The following ZFAT variants were observed in gnomAD, a reference collection of about 807,000 sequenced individuals.
The protein encoded by ZFAT is zinc finger protein ZFAT.
Under a neutral mutation model 117.7 loss-of-function variants are expected in ZFAT, and 64 were observed. The observed-to-expected ratio is 0.54, with a 90% confidence interval of 0.44 to 0.67. The LOEUF (loss-of-function observed/expected upper bound fraction) is 0.67, where lower values mean the gene tolerates loss of function less well. Among genes scored for constraint, ZFAT ranks in the 30% least tolerant of loss-of-function variants. ZFAT has a pLI of 0.00. For missense variants in ZFAT, 1,433 were observed against 1,584.5 expected (o/e 0.90, Z 1.62); for synonymous variants, 679 against 615.0 (o/e 1.10, Z -1.54).
intron 4 of ZFAT, among the ~76,000 whole-genome samples, chr8:134,609,757 A>C (rs1828176929): frequency 6.6e-6 from 1 of 152,238 alleles, no homozygotes; most frequent in Non-Finnish European, 1.5e-5. Flanking sequence ...TATCCTAGAG[A>C]TCTTTTTTAA....
At chr8:134,496,230 T>C (rs961980998) in intron 15 of ZFAT, among the ~76,000 whole-genome samples, 4 of 152,254 alleles carry the variant, frequency 2.6e-5, no homozygotes, top group East Asian at 1.9e-4. Context: ...CTTCCCATTA[T>C]ACAGATGGGG....
At chr8:134,655,376 G>A (rs957036826) in intron 2 of ZFAT, among the ~76,000 whole-genome samples, 4 of 152,146 alleles carry the variant, frequency 2.6e-5, no homozygotes, top group African/African-American at 4.8e-5. Flanking sequence ...GGCGGGGTAC[G>A]GTGGCTCACA....
chr8:134,801,380 C>A, the ZFAT span, among the ~76,000 whole-genome samples: 1 of 152,172 alleles, frequency 6.6e-6, no homozygotes, highest in African/African-American at 2.4e-5. Flanking sequence ...GTCCTACCAA[C>A]ACACTTGCAT....
chr8:134,697,171 G>A (rs1476487660), intron 1 of ZFAT, among the ~76,000 whole-genome samples: 1 of 152,078 alleles, frequency 6.6e-6, no homozygotes, highest in African/African-American at 2.4e-5. Flanking sequence ...CTGGAGTGCA[G>A]TGGCACGATC....
At chr8:134,526,210 T>G (rs922597122) in intron 12 of ZFAT, among the ~76,000 whole-genome samples, 6 of 152,332 alleles carry the variant, frequency 3.9e-5, no homozygotes, top group African/African-American at 1.4e-4. Context: ...AGGAAAACAT[T>G]CTTATATTAT....
At chr8:134,526,135 CTT>C in intron 12 of ZFAT, among the ~76,000 whole-genome samples, 1 of 152,222 alleles carries the variant, frequency 6.6e-6, no homozygotes, top group Admixed American at 6.5e-5. Context: ...AAAGGTTAAA[CTT>C]AGGCTTTAAA....
chr8:134,568,538 A>G (rs1824645441), intron 10 of ZFAT, among the ~76,000 whole-genome samples: 1 of 152,256 alleles, frequency 6.6e-6, no homozygotes, highest in African/African-American at 2.4e-5. Context: ...TCTGTCATTC[A>G]TTGTCAAACA....
the ZFAT span, among the ~76,000 whole-genome samples, chr8:134,789,633 TAG>T: frequency 3.3e-5 from 5 of 152,148 alleles, no homozygotes; most frequent in Non-Finnish European, 7.4e-5. Flanking sequence ...TGCTACATGG[TAG>T]AGAGTGGATC....
intron 7 of ZFAT, chr8:134,595,023 G>A (rs533386454): frequency 8.8e-4 from 134 of 152,316 alleles, no homozygotes; most frequent in African/African-American, 3.1e-3. Flanking sequence ...GGTGGAGGCA[G>A]GAGCCCAGGA....
intron 2 of ZFAT, among the ~76,000 whole-genome samples, chr8:134,643,935 T>C (rs1830729996): frequency 6.6e-6 from 1 of 152,116 alleles, no homozygotes; most frequent in African/African-American, 2.4e-5. Context: ...CAGATCAGAG[T>C]GCTCAACATT....
At chr8:134,738,305 G>A in the ZFAT span, among the ~76,000 whole-genome samples, 15 of 152,164 alleles carry the variant, frequency 9.9e-5, no homozygotes, top group East Asian at 3.9e-4. Flanking sequence ...AGAATTCTGC[G>A]GCTGTCCCAA....
the ZFAT span, among the ~76,000 whole-genome samples, chr8:134,815,342 G>C: frequency 6.6e-6 from 1 of 152,150 alleles, no homozygotes; most frequent in African/African-American, 2.4e-5. Flanking sequence ...ACTTGCTTTT[G>C]CTAGAGACTT....
intron 1 of ZFAT, among the ~76,000 whole-genome samples, chr8:134,671,208 G>C (rs201913684): frequency 1.3e-5 from 2 of 152,270 alleles, no homozygotes; most frequent in African/African-American, 4.8e-5. Context: ...TTCTGAAACT[G>C]TTCCAATCAA....
At position 134,712,926 on chromosome 8, in the gene ZFAT, A is replaced by G. The variant is rs1814080490; in HGVS notation, c.-63T>C. The stretch of plus-strand genomic sequence containing the variant: ...CTCTTCCGGGCCCCCTCCCGTGCCG[A>G]CCGAGGGGGCGGGGCGCCCTGCTGA... On this transcript the variant is annotated 5_prime_UTR_variant, in exon 1 of 16. Transcript: ENST00000377838. The G allele has an allele frequency of 6.3e-6, 9 of 1,439,948 alleles. No individual in the cohort carries two copies. Among genetic ancestry groups the G allele is most frequent in the South Asian group, 2.7e-5 (2 of 73,758 alleles). 89.2% of individuals were successfully genotyped at this position (1,439,948 alleles called of 1,614,324 possible). A position where few individuals can be genotyped will look rare whatever the true frequency, so the allele number is the denominator to read the frequency against.
chr8:134,793,344 C>A, the ZFAT span: 1 of 152,146 alleles, frequency 6.6e-6, no homozygotes, highest in Non-Finnish European at 1.5e-5. Context: ...CCTTGGAGTT[C>A]CAAGATCAAT....
intron 12 of ZFAT, among the ~76,000 whole-genome samples, chr8:134,524,260 C>G (rs1279045578): frequency 6.6e-6 from 1 of 152,170 alleles, no homozygotes; most frequent in Non-Finnish European, 1.5e-5. Flanking sequence ...TCCTTCACAG[C>G]CAGGATTCTG....
At chr8:134,677,595 A>G (rs1371147357) in intron 1 of ZFAT, among the ~76,000 whole-genome samples, 2 of 152,230 alleles carry the variant, frequency 1.3e-5, no homozygotes, top group Non-Finnish European at 2.9e-5. Context: ...TCATTTTATG[A>G]GGCCAGCATC....
chr8:134,524,759 G>A (rs1309154941), intron 12 of ZFAT, among the ~76,000 whole-genome samples: 1 of 152,144 alleles, frequency 6.6e-6, no homozygotes, highest in African/African-American at 2.4e-5. Context: ...GTCCTCTCCT[G>A]GTATTGCACA....
intron 12 of ZFAT, among the ~76,000 whole-genome samples, chr8:134,531,488 G>A (rs536404092): frequency 1.3e-5 from 2 of 152,322 alleles, no homozygotes; most frequent in African/African-American, 2.4e-5. Flanking sequence ...GACTGAACAT[G>A]TACTGCATGC....
Sources: gnomAD v4.1 joint callset for allele counts (sites outside exome capture counted in the v4.1 genomes callset) on GRCh38, gnomAD v4.1.1 for gene constraint, MANE v1.5 for transcripts, NCBI Gene and HGNC (gene_info 2026-07-23, HGNC 2026-07-21) for gene names.